Variants in VPS13C observed in about 807,000 individuals in gnomAD.
VPS13C encodes vacuolar protein sorting 13 homolog C.
VPS13C carries 358 observed loss-of-function variants against 456.8 expected under a neutral mutation model. The observed-to-expected ratio is 0.78, with a 90% CI of 0.72 to 0.86. VPS13C has a LOEUF of 0.86. Among genes scored for constraint, VPS13C ranks in the 40% least tolerant of loss-of-function variants. The probability of loss-of-function intolerance (pLI) is 0.00; values close to 1 mark genes in which losing one functional copy is unlikely to be tolerated. For synonymous variants in VPS13C, 1,578 were observed against 1,486.7 expected, an observed-to-expected ratio of 1.06 and a Z score of -1.41; for missense variants, 4,818 against 4,385.4, an observed-to-expected ratio of 1.10 and a Z score of -2.79.
intron 27 of VPS13C, 30 bp from the exon 28 acceptor site, chr15:61,969,482 ATAAGAAGTCTGAATCATACTTAAAAT>A: frequency 6.9e-7 from 1 of 1,452,418 alleles, no homozygotes; most frequent in Non-Finnish European, 9.2e-7. Flanking sequence ...TGAAAAGTTG[ATAAGAAGTCTGAATCATACTTAAAAT>A]AATGAAAACA....
At chr15:61,955,409 T>C (rs1292209557) in intron 37 of VPS13C, among the ~76,000 whole-genome samples, 2 of 152,156 alleles carry the variant, frequency 1.3e-5, no homozygotes, top group African/African-American at 4.8e-5. Flanking sequence ...TCCCTCAATA[T>C]CATTAAGTTA....
chr15:61,951,042 C>A lies in VPS13C; in HGVS notation c.4457-18G>T. The A allele has an allele frequency of 6.7e-7, 1 of 1,487,186 alleles. No homozygotes were observed. The highest frequency in any genetic ancestry group is 9.2e-7 in the Non-Finnish European group (1 of 1,090,696). 92.1% of individuals were successfully genotyped at this position (1,487,186 alleles called of 1,614,324 possible). On this transcript the variant is annotated intron_variant, in intron 39 of 84. Coordinates refer to ENST00000644861, the MANE Select transcript of VPS13C (RefSeq NM_020821.3). The stretch of plus-strand genomic sequence containing the variant: ...TTTAGAGTCTAAAAGAGAAAAAAGA[C>A]AAAGTTGATCCATCAATTAAACATT...
intron 9 of VPS13C, among the ~76,000 whole-genome samples, chr15:62,018,080 C>A (rs1193464708): frequency 1.3e-5 from 2 of 152,098 alleles, no homozygotes; most frequent in South Asian, 2.1e-4. Context: ...TGATTTGGCT[C>A]TCCGTTTGTC....
At chr15:61,902,135 T>A (rs945453062) in intron 66 of VPS13C, among the ~76,000 whole-genome samples, 4 of 144,902 alleles carry the variant, frequency 2.8e-5, no homozygotes, top group Non-Finnish European at 4.5e-5. Context: ...GGGGGAGGGA[T>A]AGCATTGGGA....
chr15:61,900,633 T>C (rs1454528580), intron 66 of VPS13C, among the ~76,000 whole-genome samples: 1 of 151,090 alleles, frequency 6.6e-6, no homozygotes, highest in Admixed American at 6.6e-5. Flanking sequence ...TGGAAGAACA[T>C]TCCATGCTCA....
At chr15:62,032,562 A>G (rs570069571) in intron 5 of VPS13C, among the ~76,000 whole-genome samples, 217 of 151,940 alleles carry the variant, frequency 1.4e-3, no homozygotes, top group Non-Finnish European at 2.0e-3. Context: ...ATTTAAAGGA[A>G]CAACCTATTT....
In VPS13C at chr15:62,048,331, C is replaced by G. The variant is rs189248141; in HGVS notation, c.101-4076G>C. 5.1e-3 allele frequency among the ~76,000 whole-genome samples: 734 copies of G among 143,800 alleles called. 7 individuals are homozygous for G. The highest frequency in any genetic ancestry group is 0.017 in the African/African-American group (688 of 39,466). 94.3% of individuals were successfully genotyped at this position (143,800 alleles called of 152,430 possible). A position where few individuals can be genotyped will look rare whatever the true frequency, so the allele number is the denominator to read the frequency against. On this transcript the variant is annotated intron_variant, in intron 1 of 84. Transcript: ENST00000644861. ...ATGTGTTCTCATTGTTCAGTTCCCA[C>G]CTATGAGTGAGAACATGTGGTGTTT...
chr15:61,886,204 T>G (rs981185292), intron 67 of VPS13C, among the ~76,000 whole-genome samples: 1 of 152,130 alleles, frequency 6.6e-6, no homozygotes, highest in African/African-American at 2.4e-5. Flanking sequence ...AGCCTCATTA[T>G]TGTTTTTTGT....
At chr15:61,893,291 A>G (rs941894385) in intron 66 of VPS13C, among the ~76,000 whole-genome samples, 2 of 149,654 alleles carry the variant, frequency 1.3e-5, no homozygotes, top group African/African-American at 2.4e-5. Flanking sequence ...CTGACTTCTC[A>G]GGAAACCATG....
rs1469947956 is a variant in VPS13C, at chr15:61,934,248, T to C, written c.5839A>G (p.Ile1947Val). Reference protein sequence around the residue: ...QFDFHFESLSIILYNNDINQE... With the variant: ...QFDFHFESLSVILYNNDINQE... ...TTGATATCATTGTTATAAAGGATAA[T>C]GGAAAGAGATTCAAAGTGAAAGTCA... The change falls in exon 49 of 85, where the codon ATT becomes GTT. Residue 1947 changes from isoleucine (I) to valine (V), a missense_variant. This residue lies in a region of VPS13C where 4,552 missense variants were observed against 4,130.6 expected (regional missense o/e 1.10). Transcript: ENST00000644861. The C allele has an allele frequency of 7.5e-6, 12 of 1,596,834 alleles. No homozygotes were observed. The highest frequency in any genetic ancestry group is 1.7e-4 in the Middle Eastern group (1 of 5,992).
chr15:61,959,581 G>A lies in VPS13C; in HGVS notation c.3923C>T (p.Pro1308Leu), dbSNP rs1194592441. 1.2e-6 allele frequency: 2 copies of A among 1,611,860 alleles called. No individual in the cohort carries two copies. The highest frequency in any genetic ancestry group is 1.1e-5 in the South Asian group (1 of 90,912). Reference sequence around the variant, plus strand: ...CTGAATATCAGGATGGTAGATGCCTGGCTGGATCACTGTCCTACGAAAAAC... The same window carrying A: ...CTGAATATCAGGATGGTAGATGCCTAGCTGGATCACTGTCCTACGAAAAAC... ...KLTLYRTVIQPGIYHPDIQLL... is the reference protein window; with the variant it reads ...KLTLYRTVIQLGIYHPDIQLL... Residue 1308 changes from proline to leucine, a missense_variant, in exon 36 of 85, where the codon CCA becomes CTA. Transcript: ENST00000644861.
Position 61,853,445 on chromosome 15 carries a change from T to A in VPS13C, c.*1012A>T, listed in dbSNP as rs1481319334. 6.6e-6 allele frequency: 1 copy of A among 152,150 alleles called. No homozygotes were observed. Among genetic ancestry groups the A allele is most frequent in the Admixed American group, 6.5e-5 (1 of 15,278 alleles). 9.4% of individuals were successfully genotyped at this position (152,150 alleles called of 1,614,324 possible). ...AGCTCATCTTGAAAGAGGATGTAAA[T>A]ACTTCCAAATTTTTATGAATGCTAC... On this transcript the variant is annotated 3_prime_UTR_variant, in exon 85 of 85. Transcript: ENST00000644861.
Position 61,878,702 on chromosome 15 carries a change from G to A in VPS13C, c.10047C>T (p.Asp3349=). 6.2e-7 allele frequency: 1 copy of A among 1,610,776 alleles called. No individual in the cohort carries two copies. Among genetic ancestry groups the A allele is most frequent in the Non-Finnish European group, 8.5e-7 (1 of 1,178,440 alleles). Residue 3349 remains aspartate (D), a synonymous_variant, in exon 74 of 85, where the codon GAC becomes GAT. Coordinates refer to ENST00000644861, the MANE Select transcript of VPS13C (RefSeq NM_020821.3). ...LSLGSGGEES[D]KEKQEMFAVH... The stretch of plus-strand genomic sequence containing the variant: ...CTGCAAACATTTCCTGTTTTTCTTT[G>A]TCTGATTCTTCACCTCCGGAACCCA...
chr15:61,996,338 C>T (rs1357439276), intron 16 of VPS13C, among the ~76,000 whole-genome samples: 1 of 152,290 alleles, frequency 6.6e-6, no homozygotes, highest in East Asian at 1.9e-4. Flanking sequence ...AAGGCAAACA[C>T]AACTTAGATT....
At chr15:61,990,932 A>T in intron 18 of VPS13C, 68 bp downstream of exon 18, 1 of 1,017,102 alleles carries the variant, frequency 9.8e-7, no homozygotes, top group East Asian at 2.5e-5. Flanking sequence ...AAAATCAGTA[A>T]GTCTAATCCA....
intron 4 of VPS13C, among the ~76,000 whole-genome samples, 193 bp downstream of exon 4, chr15:62,034,761 CAAT>C (rs895388900): frequency 8.3e-4 from 126 of 151,796 alleles, no homozygotes; most frequent in African/African-American, 2.8e-3. Context: ...TCAACAACAA[CAAT>C]ACTTTATACA....
rs1416534021 is a variant in VPS13C at position 61,854,164 on chromosome 15, C to T, written c.*293G>A. 2.4e-6 allele frequency: 1 copy of T among 419,612 alleles called. No individual in the cohort carries two copies. Among genetic ancestry groups the T allele is most frequent in the African/African-American group, 2.0e-5 (1 of 51,080 alleles). 26.0% of individuals were successfully genotyped at this position (419,612 alleles called of 1,614,324 possible). On this transcript the variant is annotated 3_prime_UTR_variant, in exon 85 of 85. Transcript: ENST00000644861. ...TTAAATATAAGCCTATTGACCTTTGCTTCACAATTTTAATATTAATGAAAA... is the reference window on the plus strand; with the variant it reads ...TTAAATATAAGCCTATTGACCTTTGTTTCACAATTTTAATATTAATGAAAA...
At chr15:62,050,191 T>C (rs891523546) in intron 1 of VPS13C, among the ~76,000 whole-genome samples, 4 of 152,182 alleles carry the variant, frequency 2.6e-5, no homozygotes, top group African/African-American at 4.8e-5. Context: ...TAACTAATAA[T>C]TGGAGATGAA....
chr15:61,876,839 A>G, intron 75 of VPS13C, 134 bp downstream of exon 75: 1 of 588,564 alleles, frequency 1.7e-6, no homozygotes, highest in Non-Finnish European at 2.7e-6. Context: ...TAATCATTGA[A>G]GAAAGCCACT....
Sources: gnomAD v4.1 joint callset for allele counts (sites outside exome capture counted in the v4.1 genomes callset) on GRCh38, gnomAD v4.1.1 for gene constraint, gnomAD v4.1.1 regional missense constraint, MANE v1.5 for transcripts, NCBI Gene and HGNC (gene_info 2026-07-23, HGNC 2026-07-21) for gene names.